The following UVRAG variants were observed in gnomAD, a reference collection of about 807,000 sequenced individuals.
UVRAG encodes UV radiation resistance-associated gene protein.
Under a neutral mutation model 78.0 loss-of-function variants are expected in UVRAG, and 19 were observed. That is an observed-to-expected ratio of 0.24 (90% confidence interval 0.17 to 0.36). UVRAG has a LOEUF of 0.36. UVRAG is among the 10% of genes least tolerant of loss of function. UVRAG has a pLI of 1.00. For synonymous variants in UVRAG, 323 were observed against 324.6 expected (o/e 1.00, Z 0.05); for missense variants, 740 against 853.8 (o/e 0.87, Z 1.66).
chr11:75,826,136 C>CGT (rs1945505335), intron 1 of UVRAG, among the ~76,000 whole-genome samples: 1 of 150,122 alleles, frequency 6.7e-6, no homozygotes, highest in Non-Finnish European at 1.5e-5. Flanking sequence ...TGTGCCTGGC[C>CGT]AAGAACTTGT....
chr11:75,880,167 C>T, intron 4 of UVRAG, 127 bp downstream of exon 4: 2 of 1,052,686 alleles, frequency 1.9e-6, no homozygotes, highest in Non-Finnish European at 2.7e-6. Flanking sequence ...TTACTTATAT[C>T]ACTAAGAGAG....
intron 6 of UVRAG, among the ~76,000 whole-genome samples, chr11:75,934,355 A>G (rs930171558): frequency 6.6e-6 from 1 of 152,146 alleles, no homozygotes; most frequent in Admixed American, 6.6e-5. Context: ...AAGGGTAGTA[A>G]AATAGGAGGT....
chr11:76,064,344 C>T (rs717783), intron 12 of UVRAG, among the ~76,000 whole-genome samples: 1,753 of 152,278 alleles, frequency 0.012, 36 homozygotes, highest in African/African-American at 0.04. Flanking sequence ...CTTGCAAATA[C>T]GTCGTTTCTT....
chr11:76,008,992 C>A, intron 11 of UVRAG, 125 bp downstream of exon 11: 2 of 520,580 alleles, frequency 3.8e-6, no homozygotes, highest in South Asian at 7.6e-5. Flanking sequence ...TTCCCAATTG[C>A]AAGTATGTAT....
chr11:75,887,301 A>G (rs1373459830), intron 4 of UVRAG, among the ~76,000 whole-genome samples: 1 of 151,516 alleles, frequency 6.6e-6, no homozygotes, highest in Non-Finnish European at 1.5e-5. Flanking sequence ...GCCCGCCACC[A>G]TGCCCGGCTA....
intron 12 of UVRAG, among the ~76,000 whole-genome samples, chr11:76,040,240 G>A (rs1389405980): frequency 6.6e-6 from 1 of 151,940 alleles, no homozygotes; most frequent in Admixed American, 6.6e-5. Context: ...AGAAGCGGCC[G>A]GGCATGGTGG....
chr11:76,112,418 C>G (rs77024622), intron 13 of UVRAG, among the ~76,000 whole-genome samples: 1 of 152,140 alleles, frequency 6.6e-6, no homozygotes, highest in South Asian at 2.1e-4. Context: ...ACCTCCCATG[C>G]TATCCTTTCC....
intron 6 of UVRAG, among the ~76,000 whole-genome samples, chr11:75,920,008 GTTTTTTT>G (rs140217190): frequency 3.2e-3 from 180 of 55,444 alleles, no homozygotes; most frequent in African/African-American, 9.6e-3. Flanking sequence ...AATAATTTTG[GTTTTTTT>G]TTTTTTTTTT....
intron 14 of UVRAG, among the ~76,000 whole-genome samples, chr11:76,140,072 TCCCTCCCTCCCCCTCTCC>T (rs1259799102): frequency 2.0e-4 from 1 of 4,884 alleles, no homozygotes; most frequent in Non-Finnish European, 3.6e-4. Context: ...CCTCCCTCCC[TCCCTCCCTCCCCCTCTCC>T]CCCTCCCTCC....
chr11:75,906,210 A>C (rs539270352), intron 5 of UVRAG, among the ~76,000 whole-genome samples: 2 of 151,738 alleles, frequency 1.3e-5, no homozygotes, highest in South Asian at 4.2e-4. Flanking sequence ...TTAATGAAGT[A>C]TAATTTACTG....
intron 8 of UVRAG, among the ~76,000 whole-genome samples, chr11:75,996,298 G>A (rs1034950034): frequency 2.0e-5 from 3 of 151,962 alleles, no homozygotes; most frequent in African/African-American, 7.2e-5. Context: ...AGTAAAAAGA[G>A]AGCATATGAC....
At position 76,065,765 on chromosome 11, in the gene UVRAG, C is replaced by G. The variant is rs1472314288; in HGVS notation, c.1282C>G (p.Leu428Val). Residue 428 changes from leucine (L) to valine (V), a missense_variant, in exon 13 of 15, where the codon CTT becomes GTT. By Grantham distance (32) the Leu-to-Val change is conservative. Transcript: ENST00000356136. ...EKLQFDYGVY[L>V]LNKNIAQLRY... ...GTTGCAGTTTGATTATGGTGTCTATCTTCTGAACAAAAATATAGCACAGGT... is the reference window on the plus strand; with the variant it reads ...GTTGCAGTTTGATTATGGTGTCTATGTTCTGAACAAAAATATAGCACAGGT... The G allele has an allele frequency of 6.2e-7, 1 of 1,613,866 alleles. No homozygotes were observed. Among genetic ancestry groups the G allele is most frequent in the South Asian group, 1.1e-5 (1 of 91,048 alleles).
At chr11:75,962,700 G>A (rs1462244224) in intron 7 of UVRAG, among the ~76,000 whole-genome samples, 1 of 152,020 alleles carries the variant, frequency 6.6e-6, no homozygotes, top group Non-Finnish European at 1.5e-5. Flanking sequence ...ATATATTGAA[G>A]GGGGAGGAAA....
At chr11:75,822,533 G>A (rs1412892524) in intron 1 of UVRAG, among the ~76,000 whole-genome samples, 3 of 152,148 alleles carry the variant, frequency 2.0e-5, no homozygotes, top group Non-Finnish European at 2.9e-5. Context: ...CATGCCAGAC[G>A]TAAGTCTGGG....
intron 6 of UVRAG, among the ~76,000 whole-genome samples, chr11:75,921,617 G>T (rs542419198): frequency 3.3e-5 from 5 of 151,738 alleles, no homozygotes; most frequent in African/African-American, 9.7e-5. Flanking sequence ...TGCTTCTATA[G>T]ATATTTTTTG....
chr11:76,091,639 G>A (rs1024017412), intron 13 of UVRAG, among the ~76,000 whole-genome samples: 1 of 151,588 alleles, frequency 6.6e-6, no homozygotes, highest in Non-Finnish European at 1.5e-5. Context: ...TTTCATTTTG[G>A]CTTTCATATT....
chr11:76,010,150 C>T (rs1950024829), intron 11 of UVRAG, among the ~76,000 whole-genome samples: 1 of 152,148 alleles, frequency 6.6e-6, no homozygotes, highest in Non-Finnish European at 1.5e-5. Context: ...TCTTGAAGCC[C>T]ATGGCGCATC....
chr11:76,002,471 C>G (rs145067629), intron 8 of UVRAG, among the ~76,000 whole-genome samples: 1 of 151,978 alleles, frequency 6.6e-6, no homozygotes, highest in Non-Finnish European at 1.5e-5. Context: ...TTTTGAAGAC[C>G]AGATCTGTCT....
chr11:76,071,839 T>G (rs560852945), intron 13 of UVRAG, among the ~76,000 whole-genome samples: 3 of 152,178 alleles, frequency 2.0e-5, no homozygotes, highest in Non-Finnish European at 4.4e-5. Context: ...GTTTTGTGTA[T>G]GAGCAACTCC....
Sources: allele counts gnomAD v4.1 joint callset (sites outside exome capture counted in the v4.1 genomes callset), GRCh38; gene constraint gnomAD v4.1.1; transcripts MANE v1.5; gene names NCBI Gene and HGNC (gene_info 2026-07-23, HGNC 2026-07-21).